The following SUMF1 variants were observed in gnomAD, a reference collection of about 807,000 sequenced individuals.
The protein encoded by SUMF1 is sulfatase modifying factor 1.
Under a neutral mutation model 47.6 loss-of-function variants are expected in SUMF1, and 48 were observed. That is an observed-to-expected ratio of 1.01 (90% CI 0.80 to 1.28). The LOEUF (loss-of-function observed/expected upper bound fraction) is 1.28, where lower values mean the gene tolerates loss of function less well. Among genes scored for constraint, SUMF1 ranks in the 50% most tolerant of loss-of-function variants. The pLI is 0.00. For missense variants in SUMF1, 571 were observed against 485.4 expected (o/e 1.18, Z -1.66); for synonymous variants, 230 against 192.1 (o/e 1.20, Z -1.63).
At chr3:4,461,487 G>T (rs2079813816) in intron 1 of SUMF1, among the ~76,000 whole-genome samples, 1 of 152,220 alleles carries the variant, frequency 6.6e-6, no homozygotes, top group African/African-American at 2.4e-5. Flanking sequence ...TCATCCCTCA[G>T]CTCAAAGGAC....
At chr3:4,172,643 T>C (rs1044695516) in intron 8 of SUMF1, among the ~76,000 whole-genome samples, 1 of 152,208 alleles carries the variant, frequency 6.6e-6, no homozygotes, top group Non-Finnish European at 1.5e-5. Flanking sequence ...AGAAATGTCT[T>C]CTTTTGAGAA....
At chr3:4,235,652 G>T (rs1182851136) in intron 8 of SUMF1, among the ~76,000 whole-genome samples, 1 of 152,028 alleles carries the variant, frequency 6.6e-6, no homozygotes, top group Non-Finnish European at 1.5e-5. Flanking sequence ...TACTTACAAG[G>T]GAACATCCTA....
At chr3:4,166,221 T>C (rs1394225203) in intron 8 of SUMF1, among the ~76,000 whole-genome samples, 1 of 152,142 alleles carries the variant, frequency 6.6e-6, no homozygotes, top group Non-Finnish European at 1.5e-5. Context: ...CCCCTGTTAG[T>C]ACTGGGACCT....
chr3:4,356,981 T>C (rs530391287), downstream of SUMF1, among the ~76,000 whole-genome samples: 204 of 132,786 alleles, frequency 1.5e-3, 2 homozygotes, highest in Admixed American at 6.9e-3. Context: ...CTTTCCAGTG[T>C]GTTAAGCTCT....
chr3:4,088,936 T>A (rs1692727549), intron 8 of SUMF1, among the ~76,000 whole-genome samples: 1 of 152,082 alleles, frequency 6.6e-6, no homozygotes, highest in Non-Finnish European at 1.5e-5. Context: ...GACAAATGAA[T>A]GTAGCAATCT....
chr3:4,352,613 C>G (rs1222258386), intron 8 of SUMF1, among the ~76,000 whole-genome samples: 2 of 151,524 alleles, frequency 1.3e-5, no homozygotes, highest in African/African-American at 2.4e-5. Context: ...GCACCGAATA[C>G]TTGCAAAGCC....
At chr3:4,329,474 G>C (rs137924324) in intron 8 of SUMF1, among the ~76,000 whole-genome samples, 3 of 152,352 alleles carry the variant, frequency 2.0e-5, no homozygotes, top group Non-Finnish European at 4.4e-5. Flanking sequence ...CTTACGGTTT[G>C]CACCCTCTGA....
At chr3:4,366,044 C>T in intron 8 of SUMF1, among the ~76,000 whole-genome samples, 1 of 151,574 alleles carries the variant, frequency 6.6e-6, no homozygotes. Flanking sequence ...GAATATTGGC[C>T]CCCACTCTCT....
At chr3:4,110,285 G>T (rs534969448) in intron 8 of SUMF1, among the ~76,000 whole-genome samples, 12 of 152,236 alleles carry the variant, frequency 7.9e-5, no homozygotes, top group African/African-American at 2.7e-4. Flanking sequence ...TCCTCTGGAA[G>T]TTTTGTCTCA....
intron 8 of SUMF1, among the ~76,000 whole-genome samples, chr3:4,325,569 AT>A (rs1698926601): frequency 6.6e-6 from 1 of 150,742 alleles, no homozygotes; most frequent in Non-Finnish European, 1.5e-5. Flanking sequence ...GTGTGTATAT[AT>A]ATATATATGT....
intron 1 of SUMF1, among the ~76,000 whole-genome samples, chr3:4,457,220 G>C (rs554889364): frequency 8.6e-5 from 13 of 151,596 alleles, no homozygotes; most frequent in African/African-American, 3.1e-4. Flanking sequence ...GGGATTACAG[G>C]CATGAGTTAC....
At chr3:4,061,532 C>T (rs968240983) in intron 9 of SUMF1, among the ~76,000 whole-genome samples, 3 of 152,122 alleles carry the variant, frequency 2.0e-5, no homozygotes, top group African/African-American at 7.2e-5. Flanking sequence ...GAATTTGAGA[C>T]TGATCTCCCA....
intron 8 of SUMF1, chr3:4,303,589 G>GCCGCCTCGCTGGGA (rs1698043370): frequency 7.3e-7 from 1 of 1,377,364 alleles, no homozygotes; most frequent in East Asian, 3.1e-5. Flanking sequence ...GTCTCCTCAA[G>GCCGCCTCGCTGGGA]CCGCCTCGCT....
Position 4,246,714 on chromosome 3 carries a change from T to C in SUMF1, c.1014+129616A>G, listed in dbSNP as rs1390245990. On this transcript the variant is annotated intron_variant and NMD_transcript_variant, in intron 8 of 12. Transcript: ENST00000448413. ...CGCACCCAGCCTTTTTCTCTGTTTC[T>C]TGATGTCTTTTAGTTGAAGATACTT... Among the ~76,000 whole-genome samples, 3 of 152,294 alleles carry C rather than the reference T, an allele frequency of 2.0e-5. No individual in the cohort carries two copies. The East Asian group carries it at 5.8e-4, about 29-fold the overall frequency.
rs1701521060 is a variant in SUMF1, at chr3:4,410,948, A to G, written c.871T>C (p.Leu291=). The change falls in exon 7 of 9, where the codon TTA becomes CTA. Residue 291 remains leucine, a synonymous_variant. Transcript: ENST00000272902. ...VDAFPPNGYG[L]YNIVGNAWEW... The stretch of plus-strand genomic sequence containing the variant: ...CATGCGTTCCCCACTATGTTGTATA[A>G]GCCATAACCATTGGGAGGGAAGGCA... The G allele has an allele frequency of 1.9e-6, 3 of 1,613,996 alleles. No homozygotes were observed. The highest frequency in any genetic ancestry group is 1.3e-5 in the African/African-American group (1 of 74,930).
At chr3:4,209,240 C>A (rs1031141779) in intron 8 of SUMF1, among the ~76,000 whole-genome samples, 5 of 152,124 alleles carry the variant, frequency 3.3e-5, no homozygotes, top group African/African-American at 1.2e-4. Flanking sequence ...ATAAATTTTA[C>A]ACTCTACTAT....
At chr3:4,211,887 C>G (rs1695806917) in intron 8 of SUMF1, among the ~76,000 whole-genome samples, 1 of 152,290 alleles carries the variant, frequency 6.6e-6, no homozygotes, top group African/African-American at 2.4e-5. Flanking sequence ...CAGAGTTCTC[C>G]TCTCTGGGCA....
intron 8 of SUMF1, among the ~76,000 whole-genome samples, chr3:4,143,740 G>A (rs569795391): frequency 9.2e-5 from 14 of 152,144 alleles, no homozygotes; most frequent in South Asian, 6.2e-4. Flanking sequence ...AGGTCATAAA[G>A]CTAAGTGAGA....
At chr3:4,076,146 T>C (rs1692427815) in intron 8 of SUMF1, among the ~76,000 whole-genome samples, 2 of 152,014 alleles carry the variant, frequency 1.3e-5, no homozygotes, top group African/African-American at 2.4e-5. Flanking sequence ...AACAGATATA[T>C]AGACCAATGG....
Sources: allele counts gnomAD v4.1 joint callset (sites outside exome capture counted in the v4.1 genomes callset), GRCh38; gene constraint gnomAD v4.1.1; transcripts MANE v1.5; gene names NCBI Gene and HGNC (gene_info 2026-07-23, HGNC 2026-07-21).